The following CIMAP2 variants were observed in gnomAD, a reference collection of about 807,000 sequenced individuals.
The protein encoded by CIMAP2 is ciliary microtubule-associated protein 2.
At chr1:54,822,550 A>T in the CIMAP2 span, among the ~76,000 whole-genome samples, 1 of 151,980 alleles carries the variant, frequency 6.6e-6, no homozygotes, top group Non-Finnish European at 1.5e-5. Context: ...ATTTATTGCT[A>T]TATTCTTCTT....
At chr1:54,828,594 A>T in the CIMAP2 span, among the ~76,000 whole-genome samples, 1 of 152,048 alleles carries the variant, frequency 6.6e-6, no homozygotes, top group East Asian at 1.9e-4. Flanking sequence ...GGCCTCCCAG[A>T]GTGTTGGGAT....
the CIMAP2 span, among the ~76,000 whole-genome samples, chr1:54,806,794 G>A: frequency 6.7e-6 from 1 of 150,218 alleles, no homozygotes; most frequent in African/African-American, 2.5e-5. Context: ...AATGAAGCTG[G>A]GAGGAGGAGC....
At chr1:54,811,765 G>GCCGGGGGGGGGGGGGGGGGGGCCCCC in the CIMAP2 span, 3 of 1,301,324 alleles carry the variant, frequency 2.3e-6, no homozygotes, top group African/African-American at 1.5e-5. Context: ...GGTTCTGACA[G>GCCGGGGGGGGGGGGGGGGGGGCCCCC]CCTCCATGCC....
At chr1:54,829,352 T>G in the CIMAP2 span, among the ~76,000 whole-genome samples, 1 of 152,220 alleles carries the variant, frequency 6.6e-6, no homozygotes, top group Non-Finnish European at 1.5e-5. Context: ...GTCTTATGAA[T>G]GCTGCCAAAC....
At chr1:54,807,080 A>G in the CIMAP2 span, 170 of 1,613,076 alleles carry the variant, frequency 1.1e-4, 1 homozygote, top group African/African-American at 2.1e-3. Flanking sequence ...ATTCTACCCA[A>G]GTGGTGAGTT....
At chr1:54,837,965 T>C in the CIMAP2 span, among the ~76,000 whole-genome samples, 3 of 152,022 alleles carry the variant, frequency 2.0e-5, no homozygotes, top group Admixed American at 1.3e-4. Flanking sequence ...AAATTGCTTA[T>C]AGTTGAGGAT....
At chr1:54,806,268 TG>T in the CIMAP2 span, 1 of 1,450,384 alleles carries the variant, frequency 6.9e-7, no homozygotes, top group Non-Finnish European at 9.1e-7. Flanking sequence ...CCAAAGCAGC[TG>T]CTGCCCACCC....
chr1:54,810,650 A>ACC, the CIMAP2 span, among the ~76,000 whole-genome samples: 4 of 152,052 alleles, frequency 2.6e-5, no homozygotes, highest in Non-Finnish European at 4.4e-5. Flanking sequence ...AGCAGCAGTG[A>ACC]CCCCGCATGG....
At chr1:54,833,930 C>T in the CIMAP2 span, among the ~76,000 whole-genome samples, 2 of 152,098 alleles carry the variant, frequency 1.3e-5, no homozygotes, top group Non-Finnish European at 2.9e-5. Context: ...CTCCACCTCC[C>T]AGGTTCAAGC....
the CIMAP2 span, chr1:54,841,844 G>A: frequency 3.2e-6 from 5 of 1,553,646 alleles, no homozygotes; most frequent in Non-Finnish European, 4.4e-6. Context: ...CCCTCCAACT[G>A]TGGATTACAA....
chr1:54,826,506 G>A, the CIMAP2 span, among the ~76,000 whole-genome samples: 1 of 152,204 alleles, frequency 6.6e-6, no homozygotes, highest in African/African-American at 2.4e-5. Context: ...GTAGACTGGT[G>A]GGGACTGGGC....
chr1:54,819,822 TTCTCTTTCTTTCTTTC>T, the CIMAP2 span, among the ~76,000 whole-genome samples: 8 of 88,560 alleles, frequency 9.0e-5, no homozygotes, highest in Non-Finnish European at 1.8e-4. Flanking sequence ...TTTTCTTTCT[TTCTCTTTCTTTCTTTC>T]TCTTTCTTTC....
chr1:54,835,332 C>T, the CIMAP2 span, among the ~76,000 whole-genome samples: 335 of 152,230 alleles, frequency 2.2e-3, 3 homozygotes, highest in African/African-American at 7.8e-3. Context: ...GCTGGGACTA[C>T]AGGTGTGTGC....
the CIMAP2 span, among the ~76,000 whole-genome samples, chr1:54,836,799 G>A: frequency 3.3e-5 from 5 of 152,134 alleles, no homozygotes; most frequent in African/African-American, 7.2e-5. Flanking sequence ...GCCTGATCAG[G>A]GATGGCCGAG....
chr1:54,829,653 A>T, the CIMAP2 span, among the ~76,000 whole-genome samples: 1 of 152,154 alleles, frequency 6.6e-6, no homozygotes, highest in Admixed American at 6.6e-5. Flanking sequence ...CCATTCCCTC[A>T]CTGAAAATTT....
At chr1:54,840,182 C>T in the CIMAP2 span, among the ~76,000 whole-genome samples, 12 of 152,370 alleles carry the variant, frequency 7.9e-5, no homozygotes, top group East Asian at 1.3e-3. Context: ...GGCAATTCTA[C>T]CATCCCTGGA....
At chr1:54,825,564 A>G in the CIMAP2 span, among the ~76,000 whole-genome samples, 4 of 152,118 alleles carry the variant, frequency 2.6e-5, no homozygotes, top group African/African-American at 9.7e-5. Flanking sequence ...CAGGTGGGCT[A>G]GTCCTCAGGG....
At chr1:54,807,716 C>T in the CIMAP2 span, 3 of 1,553,552 alleles carry the variant, frequency 1.9e-6, no homozygotes, top group African/African-American at 2.8e-5. Context: ...CCATGCCTCT[C>T]CCTCTCTGGT....
At chr1:54,811,765 G>GCGGGGGGGGGGGC in the CIMAP2 span, 2 of 1,301,330 alleles carry the variant, frequency 1.5e-6, no homozygotes, top group Non-Finnish European at 2.2e-6. Context: ...GGTTCTGACA[G>GCGGGGGGGGGGGC]CCTCCATGCC....
Sources: allele counts gnomAD v4.1 joint callset (sites outside exome capture counted in the v4.1 genomes callset), GRCh38; gene constraint gnomAD v4.1.1; transcripts MANE v1.5; gene names NCBI Gene and HGNC (gene_info 2026-07-23, HGNC 2026-07-21).